NAPA: variants seen among roughly 807,000 people sequenced by gnomAD.
NAPA encodes NSF attachment protein alpha.
NAPA carries 18 observed loss-of-function variants against 48.0 expected under a neutral mutation model. That is an observed-to-expected ratio of 0.38 (90% CI 0.26 to 0.56). NAPA has a LOEUF of 0.56. Ranked by LOEUF, NAPA falls within the 20% of genes least tolerant of loss-of-function variation. The pLI is 0.77. For missense variants in NAPA, 315 were observed against 385.0 expected (o/e 0.82, Z 1.52); for synonymous variants, 152 against 149.9 (o/e 1.01, Z -0.10).
At position 47,488,321 on chromosome 19, in the gene NAPA, C is replaced by G. The variant is rs1187346437; in HGVS notation, c.855G>C (p.Lys285Asn). 2 of 1,613,544 alleles carry G rather than the reference C, an allele frequency of 1.2e-6. No homozygotes were observed. Among genetic ancestry groups the G allele is most frequent in the Non-Finnish European group, 8.5e-7 (1 of 1,179,750 alleles). The change falls in exon 11 of 11, where the codon AAG becomes AAC. Residue 285 changes from lysine to asparagine, a missense_variant. Around this residue, in one of 3 missense-constraint regions of NAPA, gnomAD observed 137 missense variants for 150.1 expected, o/e 0.91. Coordinates refer to ENST00000263354, the MANE Select transcript of NAPA (RefSeq NM_003827.4). ...WLTTMLLRIK[K>N]TIQGDEEDLR The stretch of plus-strand genomic sequence containing the variant: ...GGTCCTCCTCATCGCCCTGGATGGT[C>G]TTCTTGATGCGCAGCAGCATGGTGG...
In NAPA at chr19:47,512,442, T is replaced by G. The variant is rs371539296; in HGVS notation, c.98+2401A>C. ...CTTACAGTAGGTAATTCCACTTTAT[T>G]GGTGTTTGCTGTTCATCCTGCCTTC... is the stretch of plus-strand genomic sequence containing the variant. On this transcript the variant is annotated intron_variant, in intron 1 of 10. Coordinates refer to ENST00000263354, the MANE Select transcript of NAPA (RefSeq NM_003827.4). Among the ~76,000 whole-genome samples, 31 of 152,224 alleles carry G rather than the reference T, an allele frequency of 2.0e-4. No individual in the cohort carries two copies. The East Asian group carries it at 3.9e-3, about 19-fold the overall frequency.
intron 8 of NAPA, chr19:47,491,088 G>C: frequency 2.1e-6 from 1 of 465,734 alleles, no homozygotes. Flanking sequence ...GGAGGGGGAA[G>C]GTTCCCCAGA....
intron 2 of NAPA, 55 bp from the exon 3 acceptor site, chr19:47,500,804 A>T: frequency 7.3e-7 from 1 of 1,369,898 alleles, no homozygotes; most frequent in Non-Finnish European, 1.0e-6. Flanking sequence ...CACTTTATGA[A>T]GCCACAGAGA....
downstream of NAPA, among the ~76,000 whole-genome samples, chr19:47,485,530 C>T (rs1968046876): frequency 6.6e-6 from 1 of 152,220 alleles, no homozygotes; most frequent in Non-Finnish European, 1.5e-5. Flanking sequence ...ACACCTCGAG[C>T]ACACACAGAC....
At chr19:47,492,595 G>A in intron 7 of NAPA, 1 of 427,364 alleles carries the variant, frequency 2.3e-6, no homozygotes, top group South Asian at 2.0e-5. Flanking sequence ...CACTGTGGAT[G>A]AGGACCATCG....
intron 9 of NAPA, among the ~76,000 whole-genome samples, chr19:47,490,217 ATG>A (rs1299090164): frequency 9.4e-6 from 1 of 106,556 alleles, no homozygotes; most frequent in African/African-American, 3.9e-5. Context: ...GGGGTGTGTC[ATG>A]TGTGGTGTGT....
chr19:47,514,150 G>C (rs1968859865), intron 1 of NAPA, among the ~76,000 whole-genome samples: 1 of 151,786 alleles, frequency 6.6e-6, no homozygotes, highest in South Asian at 2.1e-4. Context: ...ATCATCCCGG[G>C]TTCCTCCGTT....
At position 47,487,909 on chromosome 19, in the gene NAPA, A is replaced by G; in HGVS notation, c.*379T>C. ...AGCTTGGCTGGGGGACAAAAGTGGGAGAGAGAGAGAAACCGGCCTCATGAC... is the reference window on the plus strand; with the variant it reads ...AGCTTGGCTGGGGGACAAAAGTGGGGGAGAGAGAGAAACCGGCCTCATGAC... On this transcript the variant is annotated 3_prime_UTR_variant, in exon 11 of 11. Transcript: ENST00000263354. The G allele has an allele frequency of 6.3e-6, 1 of 158,568 alleles. No individual in the cohort carries two copies. The highest frequency in any genetic ancestry group is 1.4e-5 in the Non-Finnish European group (1 of 72,008). 9.8% of individuals were successfully genotyped at this position (158,568 alleles called of 1,614,324 possible). A position where few individuals can be genotyped will look rare whatever the true frequency, so the allele number is the denominator to read the frequency against.
intron 4 of NAPA, 140 bp downstream of exon 4, chr19:47,495,410 T>TC: frequency 1.1e-6 from 1 of 935,130 alleles, no homozygotes; most frequent in Non-Finnish European, 1.7e-6. Context: ...GGTGACCTAA[T>TC]CCCCCCAGCT....
chr19:47,492,636 T>G (rs1288348423), intron 7 of NAPA: 2 of 475,908 alleles, frequency 4.2e-6, no homozygotes, highest in Non-Finnish European at 8.0e-6. Context: ...ACGGCCACCC[T>G]GGGCCTCTTG....
intron 7 of NAPA, 125 bp downstream of exon 7, chr19:47,492,836 G>T: frequency 1.1e-6 from 1 of 878,218 alleles, no homozygotes; most frequent in Non-Finnish European, 1.9e-6. Context: ...GGCAAGGGAT[G>T]TCGGGGGAGA....
chr19:47,498,657 G>A (rs983025382), intron 3 of NAPA, among the ~76,000 whole-genome samples: 10 of 152,084 alleles, frequency 6.6e-5, no homozygotes, highest in African/African-American at 9.7e-5. Context: ...GGGCTTGAGC[G>A]ATCCTCCTGC....
intron 8 of NAPA, 104 bp downstream of exon 8, chr19:47,491,911 A>G: frequency 1.0e-6 from 1 of 998,934 alleles, no homozygotes; most frequent in Non-Finnish European, 1.5e-6. Context: ...CAGGGGCCAG[A>G]CGTGAGGGAG....
chr19:47,485,229 C>T (rs974464470), downstream of NAPA, among the ~76,000 whole-genome samples: 4 of 152,084 alleles, frequency 2.6e-5, no homozygotes, highest in Admixed American at 6.6e-5. Flanking sequence ...ACTATGTGCC[C>T]GGACGTCCTT....
At chr19:47,489,354 C>A in intron 10 of NAPA, 1 of 288,542 alleles carries the variant, frequency 3.5e-6, no homozygotes, top group Non-Finnish European at 6.6e-6. Flanking sequence ...TCTGTGCCTC[C>A]TGGGTGCCCA....
chr19:47,487,395 C>A (rs112218493), downstream of NAPA, among the ~76,000 whole-genome samples: 20 of 152,298 alleles, frequency 1.3e-4, no homozygotes, highest in African/African-American at 4.8e-4. Flanking sequence ...GCCCCTGGAC[C>A]CCAAGAACCC....
At chr19:47,509,927 AC>A (rs1377669784) in intron 1 of NAPA, among the ~76,000 whole-genome samples, 2 of 152,090 alleles carry the variant, frequency 1.3e-5, no homozygotes, top group African/African-American at 4.8e-5. Context: ...GTTCTCAAAG[AC>A]CCTTGCCTCT....
At chr19:47,486,181 G>A (rs3760633), downstream of NAPA, among the ~76,000 whole-genome samples, 22,402 of 151,920 alleles carry the variant, frequency 0.15, 1,769 homozygotes, top group East Asian at 0.22. Context: ...ATGGTGAAAC[G>A]CTGTCTCTGC....
intron 1 of NAPA, among the ~76,000 whole-genome samples, chr19:47,510,991 G>A (rs1968794650): frequency 6.6e-6 from 1 of 152,214 alleles, no homozygotes; most frequent in African/African-American, 2.4e-5. Flanking sequence ...AAATAATGAA[G>A]AGCAAGGGTG....
Sources: gnomAD v4.1 joint callset for allele counts (sites outside exome capture counted in the v4.1 genomes callset) on GRCh38, gnomAD v4.1.1 for gene constraint, gnomAD v4.1.1 regional missense constraint, MANE v1.5 for transcripts, NCBI Gene and HGNC (gene_info 2026-07-23, HGNC 2026-07-21) for gene names.